ASXL3: variants seen among roughly 807,000 people sequenced by gnomAD.
ASXL3 encodes ASXL transcriptional regulator 3, also known as putative Polycomb group protein ASXL3.
Under a neutral mutation model 170.6 loss-of-function variants are expected in ASXL3, and 34 were observed. The observed-to-expected ratio is 0.20, with a 90% CI of 0.15 to 0.27. The LOEUF is 0.27. Ranked by LOEUF, ASXL3 falls within the 10% of genes least tolerant of loss-of-function variation. ASXL3 has a pLI of 1.00. For missense variants in ASXL3, 2,592 were observed against 2,695.3 expected (o/e 0.96, Z 0.85); for synonymous variants, 1,002 against 989.1 (o/e 1.01, Z -0.24).
chr18:33,652,245 C>T (rs1423704991), intron 4 of ASXL3, among the ~76,000 whole-genome samples: 3 of 151,868 alleles, frequency 2.0e-5, no homozygotes, highest in South Asian at 2.1e-4. Context: ...ATTGATATAT[C>T]GTGAGTTTCC....
At chr18:33,635,447 G>A (rs1298768067) in intron 2 of ASXL3, among the ~76,000 whole-genome samples, 3 of 152,078 alleles carry the variant, frequency 2.0e-5, no homozygotes, top group Admixed American at 6.6e-5. Flanking sequence ...TCCCCTGCAG[G>A]CCCTGGCCTT....
Position 33,743,175 on chromosome 18 carries a change from G to C in ASXL3, c.3327G>C (p.Lys1109Asn). 1 of 1,613,966 alleles carries C rather than the reference G, an allele frequency of 6.2e-7. No individual in the cohort carries two copies. The highest frequency in any genetic ancestry group is 8.5e-7 in the Non-Finnish European group (1 of 1,179,888). The change falls in exon 12 of 12, where the codon AAG (lysine) becomes AAC (asparagine). Residue 1109 changes from lysine (K) to asparagine (N), a missense_variant. Around this residue, in one of 4 missense-constraint regions of ASXL3, gnomAD observed 2,246 missense variants for 2,219.6 expected, o/e 1.01. Transcript: ENST00000269197. The stretch of plus-strand genomic sequence containing the variant: ...ACATCAAAGAGCAGACAAAGGCTAA[G>C]CTCTTTGCAAAGCATCAAGCTCGAG... Reference protein sequence around the residue: ...LAHIKEQTKAKLFAKHQARAH... With the variant: ...LAHIKEQTKANLFAKHQARAH...
chr18:33,602,306 A>G (rs2065192153), intron 1 of ASXL3, among the ~76,000 whole-genome samples: 1 of 152,114 alleles, frequency 6.6e-6, no homozygotes, highest in Non-Finnish European at 1.5e-5. Flanking sequence ...ACAATAGCAT[A>G]TAATTTTACC....
intron 8 of ASXL3, among the ~76,000 whole-genome samples, chr18:33,705,346 T>C (rs1030164124): frequency 1.4e-4 from 21 of 151,402 alleles, no homozygotes; most frequent in African/African-American, 5.1e-4. Context: ...AAACGAGTGT[T>C]TGGAAAATGT....
chr18:33,607,739 A>C, intron 2 of ASXL3, 63 bp downstream of exon 2: 1 of 1,243,244 alleles, frequency 8.0e-7, no homozygotes. Context: ...CTCGTTGCTA[A>C]GCGATAGGTG....
rs148238651 is a variant in ASXL3 at position 33,623,795 on chromosome 18, T to C, written c.137+16119T>C. Among the ~76,000 whole-genome samples, 16 of 152,282 alleles carry C rather than the reference T, an allele frequency of 1.1e-4. No homozygotes were observed. In the East Asian group the frequency reaches 3.1e-3, roughly 29 times the overall value. On this transcript the variant is annotated intron_variant, in intron 2 of 11. Coordinates refer to ENST00000269197, the MANE Select transcript of ASXL3 (RefSeq NM_030632.3). ...TCTAGTTAGTGTTCTTTATTCAGATTCCATGACAGGATATAAAACTACTGT... is the reference window on the plus strand; with the variant it reads ...TCTAGTTAGTGTTCTTTATTCAGATCCCATGACAGGATATAAAACTACTGT...
At chr18:33,715,504 A>G (rs2067149655) in intron 8 of ASXL3, among the ~76,000 whole-genome samples, 1 of 152,194 alleles carries the variant, frequency 6.6e-6, no homozygotes, top group Non-Finnish European at 1.5e-5. Flanking sequence ...TTATCCATCA[A>G]GCCACAGTAA....
At chr18:33,594,481 G>T (rs1247877523) in intron 1 of ASXL3, among the ~76,000 whole-genome samples, 1 of 152,144 alleles carries the variant, frequency 6.6e-6, no homozygotes. Context: ...AGAATCTTTT[G>T]TTGGCAAAGG....
intron 2 of ASXL3, among the ~76,000 whole-genome samples, chr18:33,630,165 G>A (rs1338789730): frequency 6.6e-6 from 1 of 151,902 alleles, no homozygotes; most frequent in Non-Finnish European, 1.5e-5. Context: ...CTAAGTCTGG[G>A]GAGGGGAAGG....
In ASXL3 at chr18:33,746,505, C is replaced by CATG; in HGVS notation, c.6660_6662dup (p.Met2220dup). On this transcript the variant is annotated inframe_insertion, in exon 12 of 12. Coordinates refer to ENST00000269197, the MANE Select transcript of ASXL3 (RefSeq NM_030632.3). ...TGAAATGCTCTTGCCGGCTGAAAGC[C>CATG]ATGATTGTGTGCAAAGGCTGTGGGG... The CATG allele has an allele frequency of 6.2e-7, 1 of 1,614,002 alleles. No homozygotes were observed. The highest frequency in any genetic ancestry group is 8.5e-7 in the Non-Finnish European group (1 of 1,179,876).
intron 2 of ASXL3, among the ~76,000 whole-genome samples, chr18:33,623,250 ACT>A (rs1198793137): frequency 6.6e-6 from 1 of 151,548 alleles, no homozygotes; most frequent in Non-Finnish European, 1.5e-5. Context: ...TATCTAATAA[ACT>A]CTCTCAATTT....
chr18:33,698,576 T>C (rs28407158), intron 8 of ASXL3, among the ~76,000 whole-genome samples: 5,256 of 151,924 alleles, frequency 0.035, 304 homozygotes, highest in African/African-American at 0.12. Context: ...AAACCATGAA[T>C]ATAAACAAAA....
rs577585446 is a variant in ASXL3 at position 33,730,501 on chromosome 18, A to T, written c.880-1467A>T. Among the ~76,000 whole-genome samples, 328 of 152,294 alleles carry T rather than the reference A, an allele frequency of 2.2e-3. 3 individuals are homozygous for T. Among genetic ancestry groups the T allele is most frequent in the African/African-American group, 7.6e-3 (315 of 41,568 alleles). On this transcript the variant is annotated intron_variant, in intron 8 of 11. Transcript: ENST00000269197. ...AAACAGCATCCATTTGGTTGAGTGCATAAACCACACTGCAGAGGATAGTGT... is the reference window on the plus strand; with the variant it reads ...AAACAGCATCCATTTGGTTGAGTGCTTAAACCACACTGCAGAGGATAGTGT...
Position 33,743,723 on chromosome 18 carries a change from G to T in ASXL3, c.3875G>T (p.Cys1292Phe). Residue 1292 changes from cysteine (C) to phenylalanine (F), a missense_variant, in exon 12 of 12, where the codon TGC becomes TTC. Transcript: ENST00000269197. ...ACCATCCAGGGAACTGACACTCCATGCATAGCCATTATACCAAAATGTATT... is the reference window on the plus strand; with the variant it reads ...ACCATCCAGGGAACTGACACTCCATTCATAGCCATTATACCAAAATGTATT... ...LKTIQGTDTP[C>F]IAIIPKCIES... The T allele has an allele frequency of 6.2e-7, 1 of 1,613,834 alleles. No homozygotes were observed. Among genetic ancestry groups the T allele is most frequent in the Non-Finnish European group, 8.5e-7 (1 of 1,179,884 alleles).
At chr18:33,741,296 G>T (rs993734889) in intron 11 of ASXL3, among the ~76,000 whole-genome samples, 1 of 152,118 alleles carries the variant, frequency 6.6e-6, no homozygotes, top group African/African-American at 2.4e-5. Context: ...AACAACATGA[G>T]GGAAATTTGT....
intron 8 of ASXL3, among the ~76,000 whole-genome samples, chr18:33,706,543 A>G (rs1275689416): frequency 6.6e-6 from 1 of 151,804 alleles, no homozygotes; most frequent in Non-Finnish European, 1.5e-5. Context: ...AAACTTTACA[A>G]TTGTTCATAG....
At chr18:33,642,682 A>T (rs2145195098) in intron 2 of ASXL3, among the ~76,000 whole-genome samples, 1 of 152,098 alleles carries the variant, frequency 6.6e-6, no homozygotes, top group East Asian at 1.9e-4. Context: ...ACTAAACAGT[A>T]TAATTTAATA....
chr18:33,606,165 C>T (rs554086227), intron 1 of ASXL3, among the ~76,000 whole-genome samples: 1 of 151,998 alleles, frequency 6.6e-6, no homozygotes, highest in South Asian at 2.1e-4. Context: ...TTATACTCCT[C>T]TTCCCTAAAC....
intron 7 of ASXL3, among the ~76,000 whole-genome samples, chr18:33,680,140 T>G (rs1396874079): frequency 6.6e-6 from 1 of 152,054 alleles, no homozygotes; most frequent in Admixed American, 6.5e-5. Flanking sequence ...GAGTGGCATT[T>G]CAAAAATTTC....
Sources: gnomAD v4.1 joint callset for allele counts (sites outside exome capture counted in the v4.1 genomes callset) on GRCh38, gnomAD v4.1.1 for gene constraint, gnomAD v4.1.1 regional missense constraint, MANE v1.5 for transcripts, NCBI Gene and HGNC (gene_info 2026-07-23, HGNC 2026-07-21) for gene names.